The following NFATC1 variants were observed in gnomAD, a reference collection of about 807,000 sequenced individuals.
NFATC1 encodes nuclear factor of activated T-cells, cytoplasmic 1.
A neutral mutation model predicts 76.0 loss-of-function variants in NFATC1; 22 were observed. The observed-to-expected ratio is 0.29, with a 90% CI of 0.21 to 0.41. The LOEUF is 0.41. Among genes scored for constraint, NFATC1 ranks in the 10% least tolerant of loss-of-function variants. The probability of loss-of-function intolerance (pLI) is 1.00; values close to 1 mark genes in which losing one functional copy is unlikely to be tolerated. For synonymous variants in NFATC1, 704 were observed against 613.1 expected (o/e 1.15, Z -2.19); for missense variants, 1,357 against 1,337.7 (o/e 1.01, Z -0.23).
At chr18:79,438,654 C>T (rs2086865734) in intron 3 of NFATC1, among the ~76,000 whole-genome samples, 1 of 152,218 alleles carries the variant, frequency 6.6e-6, no homozygotes, top group Non-Finnish European at 1.5e-5. Context: ...GGAGAAGGGC[C>T]AACTGAGTCT....
Position 79,408,220 on chromosome 18 carries a change from G to A in NFATC1, c.128-2183G>A, listed in dbSNP as rs560530796. On this transcript the variant is annotated intron_variant, in intron 1 of 9. Transcript: ENST00000427363. ...TTATCCGTGTTGGTTTCTGAACCAC[G>A]ACTTAGCGGAAAGACAGCACTGTCC... Among the ~76,000 whole-genome samples, 12 of 152,286 alleles carry A rather than the reference G, an allele frequency of 7.9e-5. No homozygotes were observed. In the East Asian group the frequency reaches 2.1e-3, roughly 27 times the overall value.
Position 79,491,759 on chromosome 18 carries a change from A to G in NFATC1, c.2782+4822A>G, listed in dbSNP as rs149048515. Among the ~76,000 whole-genome samples, 402 of 152,292 alleles carry G rather than the reference A, an allele frequency of 2.6e-3. 1 individual carries two copies. The highest frequency in any genetic ancestry group is 9.2e-3 in the African/African-American group (383 of 41,576). ...CCCTCTGCGAACCAAGCAGTGGTGG[A>G]TCGCAGAGCTGCGTGCGGGGAGAGG... On this transcript the variant is annotated intron_variant, in intron 9 of 9. Transcript: ENST00000427363.
In NFATC1 at chr18:79,410,154, G is replaced by T; in HGVS notation, c.128-249G>T. The T allele has an allele frequency of 1.3e-6, 1 of 759,440 alleles. No individual in the cohort carries two copies. Among genetic ancestry groups the T allele is most frequent in the Non-Finnish European group, 2.4e-6 (1 of 417,140 alleles). 47.0% of individuals were successfully genotyped at this position (759,440 alleles called of 1,614,324 possible). On this transcript the variant is annotated intron_variant, in intron 1 of 9. Coordinates refer to ENST00000427363, the MANE Select transcript of NFATC1 (RefSeq NM_001278669.2). The surrounding 1 kb of genome is among the most constrained non-coding windows in gnomAD (Gnocchi z 6.7). Reference sequence around the variant, plus strand: ...GGAAGGACGTTCGGGGGCTTGTGCTGCTGTTAGGGGAGGAGGGGAGGTGGG... The same window carrying T: ...GGAAGGACGTTCGGGGGCTTGTGCTTCTGTTAGGGGAGGAGGGGAGGTGGG...
At chr18:79,404,788 T>C (rs1306916223) in intron 1 of NFATC1, among the ~76,000 whole-genome samples, 1 of 151,748 alleles carries the variant, frequency 6.6e-6, no homozygotes, top group Non-Finnish European at 1.5e-5. Context: ...AGTGAGGGAG[T>C]GGCTGTCTGG....
chr18:79,488,880 A>G (rs1214358214), intron 9 of NFATC1, among the ~76,000 whole-genome samples: 2 of 151,312 alleles, frequency 1.3e-5, no homozygotes, highest in African/African-American at 4.9e-5. Flanking sequence ...CCAGGTGGGA[A>G]GCAGGTCCCG....
At chr18:79,513,441 G>A (rs988801732) in intron 9 of NFATC1, among the ~76,000 whole-genome samples, 7 of 152,152 alleles carry the variant, frequency 4.6e-5, no homozygotes, top group African/African-American at 1.2e-4. Flanking sequence ...GTCATCCCCC[G>A]AGGCTTCTGA....
At chr18:79,484,857 A>G (rs371876716) in intron 8 of NFATC1, among the ~76,000 whole-genome samples, 28 of 152,220 alleles carry the variant, frequency 1.8e-4, no homozygotes, top group South Asian at 1.7e-3. Context: ...CGGGGGGGGA[A>G]GAGGGCGGCT....
At position 79,503,837 on chromosome 18, in the gene NFATC1, G is replaced by A. The variant is rs1477681979; in HGVS notation, c.2782+16900G>A. On this transcript the variant is annotated intron_variant, in intron 9 of 9. Coordinates refer to ENST00000427363, the MANE Select transcript of NFATC1 (RefSeq NM_001278669.2). ...ACCAATGGTCTCAGCCAGATCTCCT[G>A]GAGAACTTGCTGCAGCTTCCCCATC... Among the ~76,000 whole-genome samples the A allele has an allele frequency of 2.6e-5, 4 of 152,226 alleles. No homozygotes were observed. The East Asian group carries it at 7.7e-4, about 29-fold the overall frequency.
At chr18:79,434,660 C>G (rs2086709472) in intron 3 of NFATC1, among the ~76,000 whole-genome samples, 1 of 152,226 alleles carries the variant, frequency 6.6e-6, no homozygotes, top group African/African-American at 2.4e-5. Flanking sequence ...GGTGCCCCAG[C>G]CCCGTTATTT....
chr18:79,509,483 C>A (rs1723874844), intron 9 of NFATC1, among the ~76,000 whole-genome samples: 1 of 152,256 alleles, frequency 6.6e-6, no homozygotes, highest in Admixed American at 6.5e-5. Context: ...CACGCAGATG[C>A]CGGCCCGGTG....
At chr18:79,396,411 C>A (rs1443675755) in intron 1 of NFATC1, 60 bp downstream of exon 1, 1 of 1,068,684 alleles carries the variant, frequency 9.4e-7, no homozygotes, top group Non-Finnish European at 1.2e-6. Context: ...CGGGCCGCGC[C>A]CCCCGACCCC....
chr18:79,492,873 CA>C (rs397937205), intron 9 of NFATC1, among the ~76,000 whole-genome samples: 195 of 68,568 alleles, frequency 2.8e-3, no homozygotes, highest in Non-Finnish European at 3.7e-3. Context: ...GACTCCATCT[CA>C]AAAAAAAAAA....
chr18:79,400,642 G>A (rs928926870), intron 1 of NFATC1, among the ~76,000 whole-genome samples: 2 of 150,038 alleles, frequency 1.3e-5, no homozygotes, highest in African/African-American at 2.4e-5. Flanking sequence ...GGGGCGTCCT[G>A]GGCTCGGATG....
chr18:79,468,552 T>C (rs1400565133), intron 8 of NFATC1: 1 of 152,236 alleles, frequency 6.6e-6, no homozygotes, highest in African/African-American at 2.4e-5. Flanking sequence ...CACTGGGCGC[T>C]AATTGCAAAA....
At chr18:79,527,163 T>G (rs1429246381) in intron 9 of NFATC1, 1 of 191,938 alleles carries the variant, frequency 5.2e-6, no homozygotes, top group Non-Finnish European at 1.1e-5. Context: ...CAGGCGACAC[T>G]GGTGCTGACA....
At chr18:79,468,052 C>A in intron 8 of NFATC1, 2 of 944,194 alleles carry the variant, frequency 2.1e-6, no homozygotes, top group Non-Finnish European at 2.5e-6. Context: ...GCTGGGCGGA[C>A]GTCCCCGAGA....
In NFATC1 at chr18:79,527,575, T is replaced by C. The variant is rs1162938647; in HGVS notation, c.2830T>C (p.Ter944GlnextTer21). 6.2e-7 allele frequency: 1 copy of C among 1,613,902 alleles called. No individual in the cohort carries two copies. Among genetic ancestry groups the C allele is most frequent in the Admixed American group, 1.7e-5 (1 of 60,034 alleles). ...NDLSSTSTHS[*>Q] ...CCTCTCCAGCACGAGCACCCACTCC[T>C]AGTTGCCACATTGGAGCACTCAGTT... Residue 944 changes from the stop codon to glutamine (Q), a stop_lost, in exon 10 of 10, where the codon TAG (stop) becomes CAG (glutamine). Coordinates refer to ENST00000427363, the MANE Select transcript of NFATC1 (RefSeq NM_001278669.2).
In NFATC1 at chr18:79,474,375, C is replaced by T. The variant is rs372526919; in HGVS notation, c.2092+6793C>T. Among the ~76,000 whole-genome samples, 22 of 148,626 alleles carry T rather than the reference C, an allele frequency of 1.5e-4. 1 individual carries two copies. The highest frequency in any genetic ancestry group is 3.0e-4 in the African/African-American group (12 of 39,878). Reference sequence around the variant, plus strand: ...TAAACCTGAGGGAAGCGTGTTCTCACGCTCACCGTCGACGTAAACCTGAGG... The same window carrying T: ...TAAACCTGAGGGAAGCGTGTTCTCATGCTCACCGTCGACGTAAACCTGAGG... On this transcript the variant is annotated intron_variant, in intron 8 of 9. Transcript: ENST00000427363.
At chr18:79,399,969 T>A (rs1302569116) in intron 1 of NFATC1, among the ~76,000 whole-genome samples, 2 of 149,020 alleles carry the variant, frequency 1.3e-5, no homozygotes, top group Non-Finnish European at 3.0e-5. Context: ...AAAACTTCTT[T>A]AAAAAAAAAA....
Sources: allele counts gnomAD v4.1 joint callset (sites outside exome capture counted in the v4.1 genomes callset), GRCh38; gene constraint gnomAD v4.1.1; non-coding constraint Gnocchi (gnomAD v3.1); transcripts MANE v1.5; gene names NCBI Gene and HGNC (gene_info 2026-07-23, HGNC 2026-07-21).